UPP2: variants seen among roughly 807,000 people sequenced by gnomAD.
UPP2 encodes the protein UPase 2.
Under a neutral mutation model 26.7 loss-of-function variants are expected in UPP2, and 23 were observed. The ratio of observed to expected loss-of-function variants is 0.86; its 90% confidence interval spans 0.62 to 1.22. UPP2 has a LOEUF of 1.22. UPP2 is among the 50% of genes most tolerant of loss of function. UPP2 has a pLI of 0.00. For synonymous variants in UPP2, 127 were observed against 141.3 expected, an observed-to-expected ratio of 0.90 and a Z score of 0.72; for missense variants, 387 against 396.7, an observed-to-expected ratio of 0.98 and a Z score of 0.21.
chr2:158,091,618 G>C (rs897974726), intron 3 of UPP2, among the ~76,000 whole-genome samples: 4 of 152,152 alleles, frequency 2.6e-5, no homozygotes, highest in African/African-American at 9.7e-5. Flanking sequence ...CTACTCATGT[G>C]CCTGGGGTCA....
In UPP2 at chr2:158,135,125, T is replaced by A; in HGVS notation, c.*235T>A. The A allele has an allele frequency of 2.4e-6, 1 of 413,310 alleles. No homozygotes were observed. The highest frequency in any genetic ancestry group is 4.0e-6 in the Non-Finnish European group (1 of 249,620). The allele number at this position is 413,310 out of a possible 1,614,324, so 25.6% of individuals were successfully genotyped here. A position where few individuals can be genotyped will look rare whatever the true frequency, so the allele number is the denominator to read the frequency against. Reference sequence around the variant, plus strand: ...AACTAAATCAGTCTAATAATTAAAATTTTAAAACTCCTGGATTATGACATT... The same window carrying A: ...AACTAAATCAGTCTAATAATTAAAAATTTAAAACTCCTGGATTATGACATT... On this transcript the variant is annotated 3_prime_UTR_variant, in exon 7 of 7. Transcript: ENST00000005756.
chr2:158,043,610 T>C (rs1162262841), intron 3 of UPP2, among the ~76,000 whole-genome samples: 1 of 152,126 alleles, frequency 6.6e-6, no homozygotes, highest in Non-Finnish European at 1.5e-5. Flanking sequence ...TGGGAGATAA[T>C]GGTGATTCAA....
At chr2:158,066,079 C>A in intron 3 of UPP2, 1 of 253,684 alleles carries the variant, frequency 3.9e-6, no homozygotes, top group Admixed American at 4.2e-5. Flanking sequence ...AACTGGGGTC[C>A]CTGATGCTAT....
intron 3 of UPP2, among the ~76,000 whole-genome samples, chr2:158,018,253 A>C (rs1187622559): frequency 6.6e-6 from 1 of 152,252 alleles, no homozygotes; most frequent in African/African-American, 2.4e-5. Context: ...ACTTGCAAAA[A>C]TATCTAGTAA....
upstream of UPP2, among the ~76,000 whole-genome samples, chr2:158,101,306 T>C (rs1159780809): frequency 6.6e-6 from 1 of 152,222 alleles, no homozygotes; most frequent in Non-Finnish European, 1.5e-5. Flanking sequence ...GAAAATACTA[T>C]GCTGTATTAT....
At chr2:158,064,065 T>C (rs1682396524) in intron 3 of UPP2, among the ~76,000 whole-genome samples, 2 of 152,236 alleles carry the variant, frequency 1.3e-5, no homozygotes. Context: ...TACGTGTGCA[T>C]GTGTCTTTAT....
chr2:158,034,319 G>A (rs757879804), intron 3 of UPP2, among the ~76,000 whole-genome samples: 1 of 152,154 alleles, frequency 6.6e-6, no homozygotes, highest in South Asian at 2.1e-4. Flanking sequence ...CGCAGGGCAG[G>A]GAAAGCTCTC....
chr2:158,030,602 G>A (rs1337530723), intron 3 of UPP2, among the ~76,000 whole-genome samples: 3 of 152,196 alleles, frequency 2.0e-5, no homozygotes, highest in Non-Finnish European at 4.4e-5. Context: ...GTAGGGCATT[G>A]AGACTGTGAG....
chr2:158,029,971 T>C (rs1396727649), intron 3 of UPP2, among the ~76,000 whole-genome samples: 1 of 152,172 alleles, frequency 6.6e-6, no homozygotes, highest in African/African-American at 2.4e-5. Flanking sequence ...CTTCAAACTT[T>C]CAAATTTGGG....
At chr2:158,055,753 C>G (rs1003475330) in intron 3 of UPP2, among the ~76,000 whole-genome samples, 3 of 152,168 alleles carry the variant, frequency 2.0e-5, no homozygotes, top group African/African-American at 7.2e-5. Context: ...TCTGCTGTGT[C>G]CTGTGTTGGT....
intron 3 of UPP2, among the ~76,000 whole-genome samples, chr2:158,078,581 C>T (rs1358305619): frequency 1.3e-5 from 2 of 151,756 alleles, no homozygotes; most frequent in Non-Finnish European, 2.9e-5. Flanking sequence ...CAAATGAAAA[C>T]GATTGTATTT....
chr2:158,027,060 G>T (rs949500452), intron 3 of UPP2, among the ~76,000 whole-genome samples: 6 of 152,058 alleles, frequency 3.9e-5, no homozygotes, highest in Admixed American at 3.9e-4. Context: ...GATGAGATTT[G>T]GGTGGGGACA....
intron 2 of UPP2, among the ~76,000 whole-genome samples, chr2:157,995,434 CA>C (rs1683309910): frequency 1.3e-5 from 2 of 152,284 alleles, no homozygotes; most frequent in South Asian, 4.2e-4. Context: ...TACAATTTCT[CA>C]ACTTTTTTAG....
chr2:158,037,443 T>C (rs1489850823), intron 3 of UPP2, among the ~76,000 whole-genome samples: 3 of 152,244 alleles, frequency 2.0e-5, no homozygotes, highest in South Asian at 4.2e-4. Flanking sequence ...TGTAATAAAG[T>C]AGCACAAACT....
chr2:158,056,981 A>C (rs1288244321), intron 3 of UPP2, among the ~76,000 whole-genome samples: 1 of 152,152 alleles, frequency 6.6e-6, no homozygotes, highest in African/African-American at 2.4e-5. Flanking sequence ...TGACTCAACA[A>C]AATTGAGGAC....
chr2:158,046,266 C>A (rs73003281), intron 3 of UPP2, among the ~76,000 whole-genome samples: 3 of 152,266 alleles, frequency 2.0e-5, no homozygotes, highest in South Asian at 4.1e-4. Context: ...ATAACCTCAT[C>A]GCCAGAGTGT....
chr2:158,080,339 T>C (rs1355373438), intron 3 of UPP2, among the ~76,000 whole-genome samples: 3 of 152,122 alleles, frequency 2.0e-5, no homozygotes, highest in Non-Finnish European at 4.4e-5. Flanking sequence ...CAATGATACA[T>C]GGGTCCATTT....
intron 3 of UPP2, among the ~76,000 whole-genome samples, chr2:158,094,873 G>A (rs1682962379): frequency 2.0e-5 from 3 of 152,184 alleles, no homozygotes; most frequent in Non-Finnish European, 4.4e-5. Context: ...AACTCACAGA[G>A]CTTCCTCCAG....
intron 3 of UPP2, among the ~76,000 whole-genome samples, chr2:158,087,266 T>G (rs541544633): frequency 6.6e-6 from 1 of 152,222 alleles, no homozygotes; most frequent in African/African-American, 2.4e-5. Context: ...TTTTAACTAC[T>G]GTTGCTTTAA....
Sources: gnomAD v4.1 joint callset for allele counts (sites outside exome capture counted in the v4.1 genomes callset) on GRCh38, gnomAD v4.1.1 for gene constraint, MANE v1.5 for transcripts, NCBI Gene and HGNC (gene_info 2026-07-23, HGNC 2026-07-21) for gene names.